SH3TC2: variants seen among roughly 807,000 people sequenced by gnomAD.
SH3TC2 encodes SH3 domain and tetratricopeptide repeats 2, also known as SH3 domain and tetratricopeptide repeat-containing protein 2.
SH3TC2 carries 87 observed loss-of-function variants against 124.5 expected under a neutral mutation model. That is an observed-to-expected ratio of 0.70 (90% CI 0.59 to 0.84). The LOEUF (loss-of-function observed/expected upper bound fraction) is 0.84, where lower values mean the gene tolerates loss of function less well. Ranked by LOEUF, SH3TC2 falls within the 40% of genes least tolerant of loss-of-function variation. SH3TC2 has a pLI of 0.00. For missense variants in SH3TC2, 1,536 were observed against 1,566.4 expected (o/e 0.98, Z 0.33); for synonymous variants, 634 against 628.5 (o/e 1.01, Z -0.13).
At position 149,004,609 on chromosome 5, in the gene SH3TC2, G is replaced by A. The variant is rs1753652682; in HGVS notation, c.*102C>T. On this transcript the variant is annotated 3_prime_UTR_variant, in exon 17 of 17. Transcript: ENST00000515425. ...TTCTTCTTGTGAAATGAGGGGGCTA[G>A]GCCAGGTAAGGACTCGGACCCTCCC... 3 of 1,239,976 alleles carry A rather than the reference G, an allele frequency of 2.4e-6. No individual in the cohort carries two copies. The highest frequency in any genetic ancestry group is 3.4e-6 in the Non-Finnish European group (3 of 889,998). The allele number at this position is 1,239,976 out of a possible 1,614,324, so 76.8% of individuals were successfully genotyped here.
intron 12 of SH3TC2, among the ~76,000 whole-genome samples, chr5:149,013,666 GA>G (rs912591937): frequency 6.6e-6 from 1 of 152,140 alleles, no homozygotes; most frequent in African/African-American, 2.4e-5. Flanking sequence ...TAATTATTTG[GA>G]AAATTGTATT....
At chr5:149,045,018 C>G (rs1351839210) in intron 3 of SH3TC2, 1 of 182,660 alleles carries the variant, frequency 5.5e-6, no homozygotes, top group African/African-American at 2.4e-5. Context: ...GACGCTGATT[C>G]ATAGAAGGCA....
chr5:149,011,735 T>C (rs1171977157), intron 13 of SH3TC2, among the ~76,000 whole-genome samples: 3 of 152,190 alleles, frequency 2.0e-5, no homozygotes, highest in African/African-American at 7.2e-5. Flanking sequence ...TGCAAGTTTA[T>C]GTGCTAGTAT....
At position 148,985,192 on chromosome 5, in the gene SH3TC2, C is replaced by T. The variant is rs10039839; in HGVS notation, c.*19519G>A. On this transcript the variant is annotated 3_prime_UTR_variant, in exon 17 of 17. Transcript: ENST00000515425. ...TCAAAGCACTTAAAATCAAAACACA[C>T]GCAAAAATATATTACTACTCATTTG... is the stretch of plus-strand genomic sequence containing the variant. 0.077 allele frequency among the ~76,000 whole-genome samples: 11,697 copies of T among 151,194 alleles called. 892 individuals are homozygous for T. Among genetic ancestry groups the T allele is most frequent in the Admixed American group, 0.18 (2,777 of 15,196 alleles).
intron 1 of SH3TC2, among the ~76,000 whole-genome samples, chr5:149,055,061 C>CA (rs927330918): frequency 2.5e-4 from 38 of 149,550 alleles, no homozygotes; most frequent in African/African-American, 7.1e-4. Context: ...GATATCTATG[C>CA]AAAAAAAAAC....
At chr5:149,057,248 T>A (rs972549681) in intron 1 of SH3TC2, among the ~76,000 whole-genome samples, 3 of 146,302 alleles carry the variant, frequency 2.1e-5, no homozygotes, top group African/African-American at 7.9e-5. Context: ...TCTTCTTCAG[T>A]ATAGAATGCA....
At chr5:149,031,101 C>G (rs893548746) in intron 9 of SH3TC2, among the ~76,000 whole-genome samples, 2 of 152,190 alleles carry the variant, frequency 1.3e-5, no homozygotes, top group Non-Finnish European at 2.9e-5. Flanking sequence ...CAGTTCTTAT[C>G]CTAGCTCAGG....
rs2127392476 is a variant in SH3TC2 at position 149,008,904 on chromosome 5, T to C, written c.3425A>G (p.Tyr1142Cys). The change falls in exon 15 of 17, where the codon TAT (tyrosine) becomes TGT (cysteine). Residue 1142 changes from tyrosine (Y) to cysteine (C), a missense_variant. Tyr to Cys is a radical substitution (Grantham distance 194). Transcript: ENST00000515425. ...LTELQISLEG[Y>C]EKALEFATLA... The stretch of plus-strand genomic sequence containing the variant: ...GGTGGCAAATTCCAAAGCCTTCTCA[T>C]AGCCTTCGAGGCTAATCTGCAGCTC... 1.9e-6 allele frequency: 3 copies of C among 1,614,210 alleles called. No homozygotes were observed. The highest frequency in any genetic ancestry group is 1.3e-5 in the African/African-American group (1 of 75,050).
At chr5:149,049,779 T>A (rs1754525982) in intron 2 of SH3TC2, among the ~76,000 whole-genome samples, 1 of 151,294 alleles carries the variant, frequency 6.6e-6, no homozygotes. Context: ...CAAGACCCTG[T>A]CTCAAGGAAA....
rs929665111 is a variant in SH3TC2, at chr5:148,986,264, A to C, written c.*18447T>G. Among the ~76,000 whole-genome samples, 2 of 152,234 alleles carry C rather than the reference A, an allele frequency of 1.3e-5. No individual in the cohort carries two copies. The highest frequency in any genetic ancestry group is 2.9e-5 in the Non-Finnish European group (2 of 68,036). On this transcript the variant is annotated 3_prime_UTR_variant, in exon 17 of 17. Transcript: ENST00000515425. ...ATCTGAAATCAGAAAGCAATTAAAT[A>C]TTGTGCTAATTAAAAAACAGACATT...
rs886060147 is a variant in SH3TC2 at position 148,995,371 on chromosome 5, C to T, written c.*9340G>A. Among the ~76,000 whole-genome samples the T allele has an allele frequency of 6.6e-6, 1 of 152,094 alleles. No homozygotes were observed. Among genetic ancestry groups the T allele is most frequent in the East Asian group, 1.9e-4 (1 of 5,182 alleles). On this transcript the variant is annotated 3_prime_UTR_variant, in exon 17 of 17. Coordinates refer to ENST00000515425, the MANE Select transcript of SH3TC2 (RefSeq NM_024577.4). ...GGAGGATCATTTGGAGGATCAAATC[C>T]TATACTGTGGGTAAATTACTTAGCA...
At chr5:149,060,288 C>T (rs1326054806) in intron 1 of SH3TC2, among the ~76,000 whole-genome samples, 3 of 152,174 alleles carry the variant, frequency 2.0e-5, no homozygotes, top group African/African-American at 4.8e-5. Context: ...GCTTATTAAG[C>T]AATGGCAAGA....
rs754936070 is a variant in SH3TC2, at chr5:149,031,636, G to T, written c.1053C>A (p.Ala351=). ...LSDEERCSLL[A]LGSDKQTECS... The stretch of plus-strand genomic sequence containing the variant: ...ACTCAGTCTGCTTATCACTTCCCAG[G>T]GCCAACAGGGAGCATCTCTCCTCAT... Residue 351 remains alanine, a synonymous_variant, in exon 9 of 17, where the codon GCC becomes GCA. Transcript: ENST00000515425. 8 of 1,614,000 alleles carry T rather than the reference G, an allele frequency of 5.0e-6. No homozygotes were observed. The highest frequency in any genetic ancestry group is 6.8e-6 in the Non-Finnish European group (8 of 1,180,012).
rs1401592397 is a variant in SH3TC2, at chr5:149,028,346, C to T, written c.1386G>A (p.Glu462=). The stretch of plus-strand genomic sequence containing the variant: ...ATATGGGGGCGAAGTTCTCAGCCTC[C>T]TCCTCCTGACCAGTGCTTAGGTCCA... ...LLMDLSTGQE[E]EAENFAPILA... The change falls in exon 11 of 17, where the codon GAG becomes GAA. Residue 462 remains glutamate, a synonymous_variant. Coordinates refer to ENST00000515425, the MANE Select transcript of SH3TC2 (RefSeq NM_024577.4). The T allele has an allele frequency of 1.2e-6, 2 of 1,614,044 alleles. No homozygotes were observed. The highest frequency in any genetic ancestry group is 1.7e-5 in the Admixed American group (1 of 60,006).
intron 1 of SH3TC2, among the ~76,000 whole-genome samples, chr5:149,061,227 T>TTTTG (rs200127568): frequency 2.0e-4 from 30 of 152,250 alleles, no homozygotes; most frequent in South Asian, 4.1e-4. Context: ...TTTTTCAATA[T>TTTTG]TTTGTTTGTT....
chr5:149,025,975 T>C (rs1580899040), intron 12 of SH3TC2: 1 of 153,734 alleles, frequency 6.5e-6, no homozygotes, highest in Non-Finnish European at 1.4e-5. Context: ...ATCTAAATAT[T>C]CTTAACTAAA....
At chr5:149,059,275 G>A (rs1334188681) in intron 1 of SH3TC2, among the ~76,000 whole-genome samples, 1 of 152,048 alleles carries the variant, frequency 6.6e-6, no homozygotes, top group African/African-American at 2.4e-5. Flanking sequence ...GTAGGAATGG[G>A]TAGGGACCTT....
In SH3TC2 at chr5:149,027,132, T is replaced by A. The variant is rs775135582; in HGVS notation, c.2600A>T (p.Gln867Leu). The A allele has an allele frequency of 6.8e-6, 11 of 1,614,168 alleles. No individual in the cohort carries two copies. The highest frequency in any genetic ancestry group is 9.3e-6 in the Non-Finnish European group (11 of 1,180,006). ...KSYLRALNRA[Q>L]EVGDVHNQAV... is the part of the protein sequence containing the mutation. ...CTGGTTATGCACATCTCCCACCTCC[T>A]GGGCTCTGTTCAAGGCCCGAAGATA... The change falls in exon 11 of 17, where the codon CAG (glutamine) becomes CTG (leucine). Residue 867 changes from glutamine to leucine, a missense_variant. Around this residue, in one of 3 missense-constraint regions of SH3TC2, gnomAD observed 1,102 missense variants for 1,098.6 expected, o/e 1.00. Transcript: ENST00000515425.
Position 148,995,494 on chromosome 5 carries a change from C to T in SH3TC2, c.*9217G>A, listed in dbSNP as rs1325050392. Among the ~76,000 whole-genome samples, 1 of 152,102 alleles carries T rather than the reference C, an allele frequency of 6.6e-6. No homozygotes were observed. The highest frequency in any genetic ancestry group is 1.5e-5 in the Non-Finnish European group (1 of 67,976). ...AAAAGACCTACCACAGCTATAGCAACTTATTCTAAACAAACAAAAATTATG... is the reference window on the plus strand; with the variant it reads ...AAAAGACCTACCACAGCTATAGCAATTTATTCTAAACAAACAAAAATTATG... On this transcript the variant is annotated 3_prime_UTR_variant, in exon 17 of 17. Coordinates refer to ENST00000515425, the MANE Select transcript of SH3TC2 (RefSeq NM_024577.4).
Sources: gnomAD v4.1 joint callset for allele counts (sites outside exome capture counted in the v4.1 genomes callset) on GRCh38, gnomAD v4.1.1 for gene constraint, gnomAD v4.1.1 regional missense constraint, MANE v1.5 for transcripts, NCBI Gene and HGNC (gene_info 2026-07-23, HGNC 2026-07-21) for gene names.